Variants in MTUS2 observed in about 807,000 individuals in gnomAD.
MTUS2 encodes microtubule associated scaffold protein 2.
Under a neutral mutation model 114.1 loss-of-function variants are expected in MTUS2, and 40 were observed. The ratio of observed to expected loss-of-function variants is 0.35; its 90% CI spans 0.27 to 0.46. The LOEUF is 0.46. MTUS2 is among the 20% of genes least tolerant of loss of function. The probability of loss-of-function intolerance (pLI) is 1.00; values close to 1 mark genes in which losing one functional copy is unlikely to be tolerated. For synonymous variants in MTUS2, 688 were observed against 672.0 expected (o/e 1.02, Z -0.37); for missense variants, 1,679 against 1,705.4 (o/e 0.98, Z 0.27).
intron 6 of MTUS2, among the ~76,000 whole-genome samples, chr13:29,284,699 G>A (rs1381731759): frequency 6.6e-6 from 1 of 152,156 alleles, no homozygotes; most frequent in African/African-American, 2.4e-5. Flanking sequence ...AATTATTGGT[G>A]GTGGTGTTAG....
intron 8 of MTUS2, among the ~76,000 whole-genome samples, chr13:29,411,495 C>CTT: frequency 6.6e-6 from 1 of 152,188 alleles, no homozygotes; most frequent in Admixed American, 6.5e-5. Context: ...GTTTTAATGT[C>CTT]TGATAGATCT....
intron 5 of MTUS2, among the ~76,000 whole-genome samples, chr13:29,123,850 C>T (rs1471498973): frequency 6.6e-6 from 1 of 152,124 alleles, no homozygotes; most frequent in Non-Finnish European, 1.5e-5. Flanking sequence ...TGGTAGTGTC[C>T]CCGGGCCTCC....
rs938241297 is a variant in MTUS2 at position 29,026,410 on chromosome 13, T to C, written c.1712T>C (p.Val571Ala). 3.6e-5 allele frequency: 58 copies of C among 1,613,752 alleles called. No individual in the cohort carries two copies. Among genetic ancestry groups the C allele is most frequent in the African/African-American group, 1.9e-4 (14 of 74,894 alleles). ...ATGGATGCGGGGTCCCCCTTGGTAG[T>C]TCCACCCCCTACTGATAGTGCACGC... is the stretch of plus-strand genomic sequence containing the variant. Reference protein sequence around the residue: ...FGMDAGSPLVVPPPTDSARLL... With the variant: ...FGMDAGSPLVAPPPTDSARLL... The change falls in exon 3 of 16, where the codon GTT (valine) becomes GCT (alanine). Residue 571 changes from valine (V) to alanine (A), a missense_variant. Val to Ala is a moderately conservative substitution (Grantham distance 64, BLOSUM62 0). Around this residue, in one of 3 missense-constraint regions of MTUS2, gnomAD observed 843 missense variants for 770.8 expected, o/e 1.09. Transcript: ENST00000612955.
At chr13:29,074,924 C>A (rs1359949947) in intron 4 of MTUS2, among the ~76,000 whole-genome samples, 1 of 152,150 alleles carries the variant, frequency 6.6e-6, no homozygotes, top group Non-Finnish European at 1.5e-5. Flanking sequence ...TTAATCCTAT[C>A]CACAGAGTTG....
At chr13:29,469,451 C>A (rs913395133) in intron 9 of MTUS2, among the ~76,000 whole-genome samples, 1 of 151,980 alleles carries the variant, frequency 6.6e-6, no homozygotes, top group African/African-American at 2.4e-5. Context: ...TGCAGTGAAA[C>A]CCTGTCTCTA....
At chr13:29,398,861 T>C (rs1396643658) in intron 8 of MTUS2, among the ~76,000 whole-genome samples, 3 of 152,122 alleles carry the variant, frequency 2.0e-5, no homozygotes. Flanking sequence ...TTATCATAAA[T>C]TGTGCTCAAA....
chr13:29,374,850 T>A (rs1871456543), intron 8 of MTUS2, among the ~76,000 whole-genome samples: 1 of 151,984 alleles, frequency 6.6e-6, no homozygotes. Context: ...CACTTGAACC[T>A]GGGAGGAGGA....
chr13:28,899,378 G>A (rs1368943720), intron 2 of MTUS2, among the ~76,000 whole-genome samples: 2 of 152,144 alleles, frequency 1.3e-5, no homozygotes. Context: ...GTTCAAATAA[G>A]GCAAATGCGA....
chr13:29,098,295 A>G (rs1258572971), intron 4 of MTUS2, among the ~76,000 whole-genome samples: 1 of 152,234 alleles, frequency 6.6e-6, no homozygotes, highest in Non-Finnish European at 1.5e-5. Context: ...TGCTTCTGCA[A>G]ACCCTGAAGG....
chr13:29,462,059 G>C (rs572055199), intron 9 of MTUS2, among the ~76,000 whole-genome samples: 2 of 152,310 alleles, frequency 1.3e-5, no homozygotes, highest in Non-Finnish European at 2.9e-5. Context: ...TTAAGCATCA[G>C]AACCACTTGG....
At position 29,505,013 on chromosome 13, in the gene MTUS2, C is replaced by A. The variant is rs1173630263; in HGVS notation, c.*1807C>A. 8.6e-6 allele frequency: 2 copies of A among 232,618 alleles called. No individual in the cohort carries two copies. The highest frequency in any genetic ancestry group is 2.2e-5 in the African/African-American group (1 of 45,310). 14.4% of individuals were successfully genotyped at this position (232,618 alleles called of 1,614,324 possible). On this transcript the variant is annotated 3_prime_UTR_variant, in exon 16 of 16. Coordinates refer to ENST00000612955, the MANE Select transcript of MTUS2 (RefSeq NM_001033602.4). Reference sequence around the variant, plus strand: ...GGGCCTCAGGTGCATCTCCAGCCAACCTCCAAGGGTCTTGCTCCTTCTGGG... The same window carrying A: ...GGGCCTCAGGTGCATCTCCAGCCAAACTCCAAGGGTCTTGCTCCTTCTGGG...
At chr13:28,910,577 C>T (rs1247182285) in intron 2 of MTUS2, among the ~76,000 whole-genome samples, 1 of 150,930 alleles carries the variant, frequency 6.6e-6, no homozygotes, top group Non-Finnish European at 1.5e-5. Flanking sequence ...TTGTGTTGTT[C>T]CCCTCCATGT....
intron 5 of MTUS2, among the ~76,000 whole-genome samples, chr13:29,200,067 A>G (rs191940420): frequency 6.6e-6 from 1 of 151,724 alleles, no homozygotes; most frequent in African/African-American, 2.4e-5. Flanking sequence ...TGTCTATTTA[A>G]TTCTTCTCTC....
chr13:29,332,578 G>C (rs1244812234), intron 7 of MTUS2, among the ~76,000 whole-genome samples: 1 of 148,618 alleles, frequency 6.7e-6, no homozygotes, highest in Non-Finnish European at 1.5e-5. Context: ...TCTGATCTTA[G>C]TTATTTCTTG....
At chr13:29,202,698 C>G (rs948474455) in intron 5 of MTUS2, among the ~76,000 whole-genome samples, 1 of 152,096 alleles carries the variant, frequency 6.6e-6, no homozygotes, top group Admixed American at 6.5e-5. Flanking sequence ...TTTGTGTGGA[C>G]TTCCTTTTTG....
At chr13:28,869,608 A>G (rs1235948633) in intron 2 of MTUS2, among the ~76,000 whole-genome samples, 2 of 152,110 alleles carry the variant, frequency 1.3e-5, no homozygotes, top group South Asian at 2.1e-4. Flanking sequence ...CATCTCTACT[A>G]AAAATACAAA....
intron 1 of MTUS2, among the ~76,000 whole-genome samples, chr13:28,822,398 T>C (rs1182213036): frequency 6.6e-6 from 1 of 152,220 alleles, no homozygotes; most frequent in East Asian, 1.9e-4. Flanking sequence ...AATGAATTGC[T>C]GTTGCCAAAT....
rs144404599 is a variant in MTUS2 at position 29,307,738 on chromosome 13, A to G, written c.2807-16875A>G. 6.3e-4 allele frequency: 704 copies of G among 1,115,460 alleles called. 14 individuals carry two copies. The East Asian group carries it at 0.016, about 25-fold the overall frequency. The allele number at this position is 1,115,460 out of a possible 1,614,324, so 69.1% of individuals were successfully genotyped here. A position where few individuals can be genotyped will look rare whatever the true frequency, so the allele number is the denominator to read the frequency against. On this transcript the variant is annotated intron_variant, in intron 6 of 15. Coordinates refer to ENST00000612955, the MANE Select transcript of MTUS2 (RefSeq NM_001033602.4). Reference sequence around the variant, plus strand: ...CTGGTATGACAATGAATTTGGCTACAGCAACAGGGTGATGGACCTCATGGC... The same window carrying G: ...CTGGTATGACAATGAATTTGGCTACGGCAACAGGGTGATGGACCTCATGGC...
chr13:29,116,844 G>A (rs73166425), intron 5 of MTUS2, among the ~76,000 whole-genome samples: 20,825 of 152,118 alleles, frequency 0.14, 1,793 homozygotes, highest in Middle Eastern at 0.2. Flanking sequence ...ATTTCATCTT[G>A]CTACTCAGAA....
Sources: gnomAD v4.1 joint callset for allele counts (sites outside exome capture counted in the v4.1 genomes callset) on GRCh38, gnomAD v4.1.1 for gene constraint, gnomAD v4.1.1 regional missense constraint, MANE v1.5 for transcripts, NCBI Gene and HGNC (gene_info 2026-07-23, HGNC 2026-07-21) for gene names.